Variants in KIAA1217 observed in about 807,000 individuals in gnomAD.
KIAA1217 encodes the protein sickle tail protein homolog.
KIAA1217 carries 88 observed loss-of-function variants against 163.9 expected under a neutral mutation model. That is an observed-to-expected ratio of 0.54 (90% CI 0.45 to 0.64). The LOEUF is 0.64. Among genes scored for constraint, KIAA1217 ranks in the 30% least tolerant of loss-of-function variants. The pLI is 0.00. For missense variants in KIAA1217, 2,372 were observed against 2,475.0 expected (o/e 0.96, Z 0.88); for synonymous variants, 903 against 923.1 (o/e 0.98, Z 0.39).
At chr10:24,370,958 AG>A (rs1389996473) in intron 2 of KIAA1217, among the ~76,000 whole-genome samples, 2 of 152,236 alleles carry the variant, frequency 1.3e-5, no homozygotes, top group Non-Finnish European at 2.9e-5. Flanking sequence ...TATTTCTGAA[AG>A]GGGTGAAAGT....
At chr10:23,884,290 G>A (rs986971974) in intron 1 of KIAA1217, among the ~76,000 whole-genome samples, 2 of 151,894 alleles carry the variant, frequency 1.3e-5, no homozygotes, top group South Asian at 4.1e-4. Context: ...CCGTGATTTG[G>A]ATTTTGGCCA....
intron 1 of KIAA1217, among the ~76,000 whole-genome samples, chr10:23,933,647 AC>A (rs1301431067): frequency 6.6e-6 from 1 of 152,178 alleles, no homozygotes; most frequent in East Asian, 1.9e-4. Context: ...TACCCATCTA[AC>A]AAAGGTCTAA....
chr10:24,157,827 C>T (rs1460211795), intron 2 of KIAA1217: 1 of 488,968 alleles, frequency 2.0e-6, no homozygotes, highest in Admixed American at 3.5e-5. Flanking sequence ...ATAGAAGTTC[C>T]TGATGCAATG....
At chr10:24,158,360 T>C in intron 2 of KIAA1217, 10 of 655,772 alleles carry the variant, frequency 1.5e-5, no homozygotes, top group South Asian at 1.4e-4. Flanking sequence ...TGGGTGACTG[T>C]GTTCGGGTTT....
intron 1 of KIAA1217, among the ~76,000 whole-genome samples, chr10:23,967,676 T>C (rs1845123995): frequency 6.6e-6 from 1 of 152,326 alleles, no homozygotes; most frequent in East Asian, 1.9e-4. Flanking sequence ...TTTGACACTA[T>C]TATTTTGGAA....
intron 2 of KIAA1217, among the ~76,000 whole-genome samples, chr10:24,192,133 G>A (rs945747370): frequency 3.3e-5 from 5 of 152,232 alleles, no homozygotes; most frequent in Non-Finnish European, 5.9e-5. Context: ...AAAGAAAGAG[G>A]TGAATGTATG....
At chr10:24,001,808 C>A (rs1846755085) in intron 1 of KIAA1217, among the ~76,000 whole-genome samples, 1 of 152,172 alleles carries the variant, frequency 6.6e-6, no homozygotes, top group African/African-American at 2.4e-5. Context: ...ACACTCTTAG[C>A]CACTACTTCA....
chr10:24,368,177 T>C (rs975460205), intron 2 of KIAA1217, among the ~76,000 whole-genome samples: 1 of 152,164 alleles, frequency 6.6e-6, no homozygotes, highest in African/African-American at 2.4e-5. Context: ...ATTTTCACAT[T>C]CCTAAAATTC....
intron 2 of KIAA1217, among the ~76,000 whole-genome samples, chr10:24,282,616 C>G (rs945979443): frequency 1.3e-5 from 2 of 152,080 alleles, no homozygotes; most frequent in African/African-American, 4.8e-5. Context: ...TTTCAGTTGA[C>G]CCCTGTGTTC....
chr10:24,209,110 C>T, upstream of KIAA1217: 3 of 1,219,138 alleles, frequency 2.5e-6, no homozygotes, highest in Admixed American at 1.7e-5. Flanking sequence ...GCCCCGGGCC[C>T]CCTCCCAGGC....
At chr10:24,470,193 T>G (rs2063351680) in intron 5 of KIAA1217, among the ~76,000 whole-genome samples, 1 of 152,214 alleles carries the variant, frequency 6.6e-6, no homozygotes, top group Non-Finnish European at 1.5e-5. Flanking sequence ...TGCTGAGCCA[T>G]ACTTTGCTTT....
intron 2 of KIAA1217, among the ~76,000 whole-genome samples, chr10:24,373,471 A>G (rs778707894): frequency 6.6e-6 from 1 of 151,984 alleles, no homozygotes; most frequent in Non-Finnish European, 1.5e-5. Flanking sequence ...ACCATTAACA[A>G]CCCTTCCCTG....
intron 1 of KIAA1217, among the ~76,000 whole-genome samples, chr10:23,867,515 G>T (rs1320473799): frequency 1.3e-5 from 2 of 152,132 alleles, no homozygotes; most frequent in African/African-American, 4.8e-5. Context: ...AGCACCTGTT[G>T]TTTCCTGACT....
intron 1 of KIAA1217, among the ~76,000 whole-genome samples, chr10:24,004,862 C>T (rs1227782854): frequency 6.6e-6 from 1 of 152,148 alleles, no homozygotes; most frequent in African/African-American, 2.4e-5. Context: ...AGAATTGGGC[C>T]AATCTAGTGG....
At chr10:23,790,128 CAT>C (rs1417114914) in intron 1 of KIAA1217, among the ~76,000 whole-genome samples, 2 of 83,744 alleles carry the variant, frequency 2.4e-5, no homozygotes, top group Non-Finnish European at 4.4e-5. Flanking sequence ...CACATATACA[CAT>C]ATGCATATAC....
At chr10:24,309,039 CT>C (rs1271969919) in intron 2 of KIAA1217, among the ~76,000 whole-genome samples, 2 of 150,184 alleles carry the variant, frequency 1.3e-5, no homozygotes, top group African/African-American at 4.9e-5. Flanking sequence ...CGGAGGATCA[CT>C]TGAACCCAGG....
intron 1 of KIAA1217, among the ~76,000 whole-genome samples, chr10:23,919,858 T>C (rs906587453): frequency 2.6e-5 from 4 of 152,112 alleles, no homozygotes; most frequent in African/African-American, 9.7e-5. Context: ...CCATGACACC[T>C]TTCTCCTTGG....
chr10:23,946,479 A>C (rs1420307877), intron 1 of KIAA1217, among the ~76,000 whole-genome samples: 1 of 152,168 alleles, frequency 6.6e-6, no homozygotes, highest in Non-Finnish European at 1.5e-5. Flanking sequence ...ACCCATATAC[A>C]CAGCCATTCT....
At chr10:24,515,333 G>T (rs7897243) in intron 10 of KIAA1217, among the ~76,000 whole-genome samples, 45,254 of 151,984 alleles carry the variant, frequency 0.3, 7,044 homozygotes, top group Middle Eastern at 0.4. Flanking sequence ...CTCCCAAAGT[G>T]TTGGGATTAC....
Sources: gnomAD v4.1 joint callset for allele counts (sites outside exome capture counted in the v4.1 genomes callset) on GRCh38, gnomAD v4.1.1 for gene constraint, MANE v1.5 for transcripts, NCBI Gene and HGNC (gene_info 2026-07-23, HGNC 2026-07-21) for gene names.